The following GRIP2 variants were observed in gnomAD, a reference collection of about 807,000 sequenced individuals.
GRIP2 encodes glutamate receptor-interacting protein 2.
In GRIP2, 58 loss-of-function variants were observed where a neutral mutation model predicts 108.3. That is an observed-to-expected ratio of 0.54 (90% CI 0.43 to 0.67). The LOEUF (loss-of-function observed/expected upper bound fraction) is 0.67. Among genes scored for constraint, GRIP2 ranks in the 30% least tolerant of loss-of-function variants. The pLI is 0.00. For missense variants in GRIP2, 1,278 were observed against 1,430.6 expected (o/e 0.89, Z 1.72); for synonymous variants, 586 against 598.2 (o/e 0.98, Z 0.30).
At chr3:14,585,675 C>A in the GRIP2 span, among the ~76,000 whole-genome samples, 2 of 152,236 alleles carry the variant, frequency 1.3e-5, no homozygotes, top group African/African-American at 2.4e-5. Flanking sequence ...AAACCTCAGC[C>A]CCCCAGCTTC....
upstream of GRIP2, chr3:14,542,078 G>A (rs777568564): frequency 3.7e-5 from 50 of 1,346,778 alleles, no homozygotes; most frequent in East Asian, 1.4e-4. Context: ...GAGGACAGGC[G>A]CATGGCACCC....
the GRIP2 span, among the ~76,000 whole-genome samples, chr3:14,585,772 C>T: frequency 6.6e-6 from 1 of 152,134 alleles, no homozygotes; most frequent in African/African-American, 2.4e-5. Flanking sequence ...TTAACTCTCA[C>T]CACCTCTCCA....
the GRIP2 span, among the ~76,000 whole-genome samples, chr3:14,571,370 C>G: frequency 6.6e-6 from 1 of 152,168 alleles, no homozygotes; most frequent in Non-Finnish European, 1.5e-5. Context: ...ATGGCTGTCA[C>G]TGAGGCACAG....
At chr3:14,517,383 C>G (rs1379474113) in intron 10 of GRIP2, among the ~76,000 whole-genome samples, 170 bp from the exon 11 acceptor site, 1 of 150,690 alleles carries the variant, frequency 6.6e-6, no homozygotes, top group Non-Finnish European at 1.5e-5. Flanking sequence ...CTCTGGGTCT[C>G]AAAGACTGCA....
intron 10 of GRIP2, among the ~76,000 whole-genome samples, chr3:14,517,494 CTTTTTT>C (rs146509076): frequency 0.013 from 1,451 of 107,758 alleles, 48 homozygotes; most frequent in African/African-American, 0.051. Context: ...ATCTCTCTCT[CTTTTTT>C]TTTTTTTTTT....
chr3:14,536,536 AG>A lies in GRIP2; in HGVS notation c.40+3732del, dbSNP rs777349572. Among the ~76,000 whole-genome samples, 6 of 152,332 alleles carry A rather than the reference AG, an allele frequency of 3.9e-5. No individual in the cohort carries two copies. The East Asian group carries it at 1.2e-3, about 29-fold the overall frequency. On this transcript the variant is annotated intron_variant, in intron 1 of 23. Transcript: ENST00000621039. ...CAGGCACTCACAGGCTGGGTGCATC[AG>A]GGCTAGCAGGACCCATGGCATCACC...
At chr3:14,498,610 C>T (rs1288086981) in intron 21 of GRIP2, among the ~76,000 whole-genome samples, 5 of 83,274 alleles carry the variant, frequency 6.0e-5, no homozygotes, top group Non-Finnish European at 8.8e-5. Flanking sequence ...AGCCAGCATC[C>T]AAAAGGAAAA....
At chr3:14,592,867 G>T in the GRIP2 span, among the ~76,000 whole-genome samples, 3 of 152,116 alleles carry the variant, frequency 2.0e-5, no homozygotes, top group Non-Finnish European at 2.9e-5. Flanking sequence ...CCACAATGCT[G>T]CTGCTGTCTG....
chr3:14,547,231 G>A (rs191173692), intron 1 of GRIP2, among the ~76,000 whole-genome samples: 23 of 152,308 alleles, frequency 1.5e-4, no homozygotes, highest in Admixed American at 7.8e-4. Flanking sequence ...GATCTACCCC[G>A]TGGTATCATT....
At chr3:14,572,126 G>T in the GRIP2 span, among the ~76,000 whole-genome samples, 3 of 152,206 alleles carry the variant, frequency 2.0e-5, no homozygotes, top group Admixed American at 2.0e-4. Context: ...TGTGCATTTC[G>T]GTACCGGAGG....
At chr3:14,586,076 A>G in the GRIP2 span, among the ~76,000 whole-genome samples, 4 of 152,090 alleles carry the variant, frequency 2.6e-5, no homozygotes, top group African/African-American at 9.7e-5. Context: ...CTTCAAACAC[A>G]CCAGGTGCAC....
At chr3:14,535,060 T>C (rs1694802167) in intron 1 of GRIP2, among the ~76,000 whole-genome samples, 1 of 151,648 alleles carries the variant, frequency 6.6e-6, no homozygotes, top group East Asian at 1.9e-4. Context: ...GAGGCTCCAC[T>C]TGGGGCGAAC....
At chr3:14,517,352 C>T (rs920113607) in intron 10 of GRIP2, 139 bp from the exon 11 acceptor site, 2 of 872,972 alleles carry the variant, frequency 2.3e-6, no homozygotes, top group Non-Finnish European at 3.3e-6. Context: ...CATTGTGTGA[C>T]CTCAGGCAAG....
At chr3:14,594,826 T>C in the GRIP2 span, among the ~76,000 whole-genome samples, 17 of 152,242 alleles carry the variant, frequency 1.1e-4, no homozygotes, top group African/African-American at 3.9e-4. Flanking sequence ...CCTCACAGGG[T>C]TGTTATGAAA....
At position 14,496,403 on chromosome 3, in the gene GRIP2, C is replaced by T; in HGVS notation, c.2823+14G>A. 6.2e-7 allele frequency: 1 copy of T among 1,602,894 alleles called. No homozygotes were observed. Among genetic ancestry groups the T allele is most frequent in the Non-Finnish European group, 8.5e-7 (1 of 1,173,238 alleles). On this transcript the variant is annotated intron_variant, in intron 22 of 23. Coordinates refer to ENST00000621039, the MANE Select transcript of GRIP2 (RefSeq NM_001080423.4). ...CACAGGTCCAGGTCTCCTGTGCTCA[C>T]CCCCTGTGCCTACCTTGTGCATCTC... is the stretch of plus-strand genomic sequence containing the variant.
the GRIP2 span, among the ~76,000 whole-genome samples, chr3:14,587,228 G>A: frequency 4.6e-5 from 7 of 152,152 alleles, no homozygotes; most frequent in African/African-American, 7.2e-5. Context: ...TATTGATGTC[G>A]CTGTGTTTAA....
At chr3:14,556,020 C>T (rs547058713) in exon 1 of GRIP2, 5 of 398,792 alleles carry the variant, frequency 1.3e-5, no homozygotes, top group East Asian at 7.1e-5. Flanking sequence ...CTGGAGCCGG[C>T]GCTCCTGTGC....
chr3:14,520,655 A>T, intron 7 of GRIP2, 118 bp from the exon 8 acceptor site: 7 of 951,822 alleles, frequency 7.4e-6, no homozygotes, highest in Non-Finnish European at 1.1e-5. Context: ...TACCCATTTG[A>T]TTAACATAAT....
chr3:14,516,313 A>G (rs1288512344), intron 11 of GRIP2, among the ~76,000 whole-genome samples: 1 of 151,838 alleles, frequency 6.6e-6, no homozygotes, highest in Non-Finnish European at 1.5e-5. Context: ...CTCTTCTTTC[A>G]CCTGGTTCTA....
Sources: allele counts gnomAD v4.1 joint callset (sites outside exome capture counted in the v4.1 genomes callset), GRCh38; gene constraint gnomAD v4.1.1; transcripts MANE v1.5; gene names NCBI Gene and HGNC (gene_info 2026-07-23, HGNC 2026-07-21).